Variants in DOCK5 observed in about 807,000 individuals in gnomAD.
The protein encoded by DOCK5 is dedicator of cytokinesis 5, also known as dedicator of cytokinesis protein 5.
In DOCK5, 142 loss-of-function variants were observed where a neutral mutation model predicts 251.8. That is an observed-to-expected ratio of 0.56 (90% confidence interval 0.49 to 0.65). The LOEUF is 0.65. DOCK5 is among the 30% of genes least tolerant of loss of function. The pLI is 0.00. For synonymous variants in DOCK5, 842 were observed against 835.5 expected, an observed-to-expected ratio of 1.01 and a Z score of -0.13; for missense variants, 2,111 against 2,312.3, an observed-to-expected ratio of 0.91 and a Z score of 1.79.
intron 3 of DOCK5, 150 bp downstream of exon 3, chr8:25,269,035 C>G: frequency 1.5e-6 from 1 of 668,790 alleles, no homozygotes; most frequent in Non-Finnish European, 2.5e-6. Flanking sequence ...AAAGCAAATT[C>G]TCTGACCTCA....
At position 25,306,519 on chromosome 8, in the gene DOCK5, C is replaced by A. The variant is rs1452245075; in HGVS notation, c.1049+2192C>A. On this transcript the variant is annotated intron_variant, in intron 11 of 51. Transcript: ENST00000276440. ...CAGGAGATCGAGACCACGGTGAAAC[C>A]CTGTCTCTACTAAAAATACAAAAAA... Among the ~76,000 whole-genome samples, 5 of 151,794 alleles carry A rather than the reference C, an allele frequency of 3.3e-5. No individual in the cohort carries two copies. In the South Asian group the frequency reaches 8.3e-4, roughly 25 times the overall value.
chr8:25,356,907 TTATATATATATA>T lies in DOCK5; in HGVS notation c.2851-2028_2851-2017del, dbSNP rs34216387. 5.0e-3 allele frequency among the ~76,000 whole-genome samples: 661 copies of T among 131,322 alleles called. 9 individuals are homozygous for T. The highest frequency in any genetic ancestry group is 0.013 in the African/African-American group (473 of 35,654). 86.2% of individuals were successfully genotyped at this position (131,322 alleles called of 152,430 possible). A position where few individuals can be genotyped will look rare whatever the true frequency, so the allele number is the denominator to read the frequency against. On this transcript the variant is annotated intron_variant, in intron 27 of 51. Coordinates refer to ENST00000276440, the MANE Select transcript of DOCK5 (RefSeq NM_024940.8). ...AATTTTAAATCCCTCTATATGAAGA[TTATATATATATA>T]TATATATATATATATATATATATAT...
chr8:25,185,380 C>G (rs563773161), intron 1 of DOCK5, among the ~76,000 whole-genome samples: 1 of 151,678 alleles, frequency 6.6e-6, no homozygotes, highest in Non-Finnish European at 1.5e-5. Context: ...GTGCTTTCTG[C>G]CCCCCGCTTT....
At chr8:25,379,651 A>G (rs1295851395) in intron 38 of DOCK5, among the ~76,000 whole-genome samples, 1 of 152,208 alleles carries the variant, frequency 6.6e-6, no homozygotes, top group African/African-American at 2.4e-5. Context: ...AACAGGATTA[A>G]GAGATTAAAG....
At chr8:25,247,784 C>G (rs1290412796) in intron 2 of DOCK5, among the ~76,000 whole-genome samples, 1 of 152,016 alleles carries the variant, frequency 6.6e-6, no homozygotes, top group African/African-American at 2.4e-5. Context: ...CCAAACAGTC[C>G]AAAACCCACA....
intron 12 of DOCK5, among the ~76,000 whole-genome samples, chr8:25,310,021 AT>A (rs149581288): frequency 0.031 from 4,677 of 152,112 alleles, 98 homozygotes; most frequent in East Asian, 0.067. Context: ...TAATTATTGG[AT>A]TTTTTTCATG....
chr8:25,295,946 A>G (rs571046374), intron 6 of DOCK5, among the ~76,000 whole-genome samples: 31 of 152,048 alleles, frequency 2.0e-4, no homozygotes, highest in Admixed American at 1.3e-4. Flanking sequence ...CAGCCCCCCA[A>G]GTAGTTGAGA....
intron 13 of DOCK5, among the ~76,000 whole-genome samples, chr8:25,316,339 G>T (rs752487100): frequency 6.6e-6 from 1 of 152,150 alleles, no homozygotes; most frequent in African/African-American, 2.4e-5. Context: ...ACATTAGCCA[G>T]GTGTGGTGAT....
At chr8:25,364,375 A>G (rs376302663) in intron 29 of DOCK5, among the ~76,000 whole-genome samples, 68 of 152,306 alleles carry the variant, frequency 4.5e-4, no homozygotes, top group African/African-American at 1.5e-3. Context: ...CCTGGTTTGC[A>G]GTCTCAGATC....
chr8:25,406,179 C>T (rs1037704595), intron 48 of DOCK5, among the ~76,000 whole-genome samples: 1 of 151,922 alleles, frequency 6.6e-6, no homozygotes, highest in South Asian at 2.1e-4. Flanking sequence ...AGGATGGTGT[C>T]GATCTCCTGA....
intron 29 of DOCK5, 144 bp from the exon 30 acceptor site, chr8:25,364,482 G>A: frequency 1.6e-6 from 1 of 609,956 alleles, no homozygotes; most frequent in Non-Finnish European, 3.0e-6. Context: ...ATGGTGTTAT[G>A]CTGTTGTCTG....
At chr8:25,328,139 A>G (rs982339183) in intron 18 of DOCK5, among the ~76,000 whole-genome samples, 6 of 152,094 alleles carry the variant, frequency 3.9e-5, no homozygotes, top group African/African-American at 1.4e-4. Context: ...CATTTTCATC[A>G]TCACAGAATG....
intron 1 of DOCK5, among the ~76,000 whole-genome samples, chr8:25,233,147 A>G (rs758493845): frequency 5.3e-5 from 8 of 152,090 alleles, no homozygotes; most frequent in Non-Finnish European, 1.0e-4. Context: ...TGCCTGCACA[A>G]TAGCCTGGAA....
intron 38 of DOCK5, among the ~76,000 whole-genome samples, chr8:25,377,670 T>C (rs1442242832): frequency 6.6e-6 from 1 of 152,210 alleles, no homozygotes; most frequent in Non-Finnish European, 1.5e-5. Context: ...AATAGTCTGC[T>C]AGAACAACCA....
In DOCK5 at chr8:25,345,528, G is replaced by A; in HGVS notation, c.2671G>A (p.Asp891Asn). 4 of 1,613,936 alleles carry A rather than the reference G, an allele frequency of 2.5e-6. No individual in the cohort carries two copies. The highest frequency in any genetic ancestry group is 3.4e-6 in the Non-Finnish European group (4 of 1,179,886). Residue 891 changes from aspartate to asparagine, a missense_variant, in exon 26 of 52, where the codon GAT (aspartate) becomes AAT (asparagine). By Grantham distance (23) the Asp-to-Asn change is conservative. This residue lies in a region of DOCK5 where 1,717 missense variants were observed against 1,892.4 expected (regional missense o/e 0.91). Transcript: ENST00000276440. ...GACAGACCAGCTCAGCGGCCAGTTAGATGACAACTCCAACAAGCCTGACCA... is the reference window on the plus strand; with the variant it reads ...GACAGACCAGCTCAGCGGCCAGTTAAATGACAACTCCAACAAGCCTGACCA... ...LLTDQLSGQL[D>N]DNSNKPDHEA...
intron 25 of DOCK5, among the ~76,000 whole-genome samples, chr8:25,342,871 T>G (rs1364164536): frequency 6.6e-6 from 1 of 150,766 alleles, no homozygotes; most frequent in Non-Finnish European, 1.5e-5. Context: ...GCTAATTTTT[T>G]TTTATTTTTA....
At chr8:25,377,253 G>A in intron 37 of DOCK5, 52 bp from the exon 38 acceptor site, 1 of 1,553,544 alleles carries the variant, frequency 6.4e-7, no homozygotes. Flanking sequence ...CTTGATGTTG[G>A]GGGGCTGAAT....
rs56131241 is a variant in DOCK5, at chr8:25,412,078, CTTTTTTTTTTTT to C, written c.*792_*803del. 1.2e-5 allele frequency: 1 copy of C among 82,846 alleles called. No homozygotes were observed. Among genetic ancestry groups the C allele is most frequent in the Non-Finnish European group, 2.1e-5 (1 of 47,912 alleles). 5.1% of individuals were successfully genotyped at this position (82,846 alleles called of 1,614,324 possible). ...GAAGCTCTTCCTTTTGCACATACGGCTTTTTTTTTTTTTTTTTTTTTTTGTCCTATTACCTCC... is the reference window on the plus strand; with the variant it reads ...GAAGCTCTTCCTTTTGCACATACGGCTTTTTTTTTTTGTCCTATTACCTCC... On this transcript the variant is annotated 3_prime_UTR_variant, in exon 52 of 52. Transcript: ENST00000276440.
At chr8:25,195,579 C>T (rs1359122162) in intron 1 of DOCK5, among the ~76,000 whole-genome samples, 1 of 152,094 alleles carries the variant, frequency 6.6e-6, no homozygotes, top group Non-Finnish European at 1.5e-5. Context: ...TTGAACTTGC[C>T]AAGCTCAGCT....
Sources: allele counts gnomAD v4.1 joint callset (sites outside exome capture counted in the v4.1 genomes callset), GRCh38; gene constraint gnomAD v4.1.1; regional missense constraint gnomAD v4.1.1; transcripts MANE v1.5; gene names NCBI Gene and HGNC (gene_info 2026-07-23, HGNC 2026-07-21).